The following CACNA2D3 variants were observed in gnomAD, a reference collection of about 807,000 sequenced individuals.
CACNA2D3 encodes the protein voltage-dependent calcium channel subunit alpha-2/delta-3.
In CACNA2D3, 60 loss-of-function variants were observed where a neutral mutation model predicts 160.6. The observed-to-expected ratio is 0.37, with a 90% CI of 0.30 to 0.46. CACNA2D3 has a LOEUF of 0.46. Ranked by LOEUF, CACNA2D3 falls within the 20% of genes least tolerant of loss-of-function variation. The probability of loss-of-function intolerance (pLI) is 1.00; values close to 1 mark genes in which losing one functional copy is unlikely to be tolerated. For synonymous variants in CACNA2D3, 558 were observed against 492.9 expected (o/e 1.13, Z -1.75); for missense variants, 1,205 against 1,365.0 (o/e 0.88, Z 1.85).
At chr3:54,449,726 T>A (rs535369006) in intron 4 of CACNA2D3, among the ~76,000 whole-genome samples, 1 of 152,306 alleles carries the variant, frequency 6.6e-6, no homozygotes, top group African/African-American at 2.4e-5. Flanking sequence ...CCATGTAAGA[T>A]GCCTCACTCC....
intron 13 of CACNA2D3, among the ~76,000 whole-genome samples, chr3:54,801,224 G>C (rs1487930659): frequency 1.3e-5 from 2 of 152,098 alleles, no homozygotes; most frequent in Non-Finnish European, 1.5e-5. Flanking sequence ...CTGACCTCAA[G>C]TGATCTGCCC....
rs552299968 is a variant in CACNA2D3 at position 54,342,650 on chromosome 3, C to T, written c.321+22092C>T. On this transcript the variant is annotated intron_variant, in intron 3 of 37. Coordinates refer to ENST00000474759, the MANE Select transcript of CACNA2D3 (RefSeq NM_018398.3). ...TTAGGTGACAAATCATTGATAAGAA[C>T]GGCACTGTACAAATTACCAACTGGT... Among the ~76,000 whole-genome samples the T allele has an allele frequency of 4.6e-5, 7 of 152,252 alleles. No individual in the cohort carries two copies. In the South Asian group the frequency reaches 8.3e-4, roughly 18 times the overall value.
intron 3 of CACNA2D3, among the ~76,000 whole-genome samples, chr3:54,352,275 G>A (rs1193978869): frequency 6.6e-6 from 1 of 152,188 alleles, no homozygotes; most frequent in African/African-American, 2.4e-5. Context: ...AAAGGTGGTA[G>A]TAGCACCTAC....
At chr3:54,764,170 A>C in intron 12 of CACNA2D3, 48 bp from the exon 13 acceptor site, 1 of 1,607,714 alleles carries the variant, frequency 6.2e-7, no homozygotes, top group East Asian at 2.2e-5. Flanking sequence ...CCCAGTTGCA[A>C]GTCTTTCTGT....
At chr3:54,206,677 C>G (rs375983994) in intron 2 of CACNA2D3, among the ~76,000 whole-genome samples, 6 of 152,232 alleles carry the variant, frequency 3.9e-5, no homozygotes, top group African/African-American at 1.2e-4. Flanking sequence ...AGTAGGCTTA[C>G]TTTTATGCCA....
chr3:54,427,007 CTTCT>C (rs1421589240), intron 4 of CACNA2D3, among the ~76,000 whole-genome samples: 1 of 151,974 alleles, frequency 6.6e-6, no homozygotes, highest in Non-Finnish European at 1.5e-5. Context: ...TCTTCCTTCC[CTTCT>C]TTCTCCCTCC....
At chr3:54,125,594 TACTC>T in intron 2 of CACNA2D3, among the ~76,000 whole-genome samples, 1 of 152,264 alleles carries the variant, frequency 6.6e-6, no homozygotes, top group Admixed American at 6.5e-5. Context: ...GGTCCTGAAA[TACTC>T]ACGGCTTTGG....
chr3:54,140,586 C>T (rs1202379805), intron 2 of CACNA2D3, among the ~76,000 whole-genome samples: 5 of 152,224 alleles, frequency 3.3e-5, no homozygotes, highest in African/African-American at 1.2e-4. Context: ...GAGGCAAATG[C>T]AAATGCAGTT....
intron 32 of CACNA2D3, among the ~76,000 whole-genome samples, chr3:55,005,241 A>C (rs1482982566): frequency 1.3e-5 from 2 of 152,008 alleles, no homozygotes; most frequent in African/African-American, 4.8e-5. Flanking sequence ...ATGCCACTGC[A>C]CTCCAGCCTG....
At chr3:54,563,921 C>T (rs1456893782) in intron 6 of CACNA2D3, among the ~76,000 whole-genome samples, 2 of 152,154 alleles carry the variant, frequency 1.3e-5, no homozygotes, top group Non-Finnish European at 2.9e-5. Flanking sequence ...AGAACATTTC[C>T]CAAGAGTCAT....
rs536390436 is a variant in CACNA2D3, at chr3:54,679,066, T to C, written c.1167+36825T>C. ...GAAGATGGGAAACATGGTTCAAGAC[T>C]TACCTGTCAGCCAGGCAGCCCCTCT... On this transcript the variant is annotated intron_variant, in intron 11 of 37. Coordinates refer to ENST00000474759, the MANE Select transcript of CACNA2D3 (RefSeq NM_018398.3). Among the ~76,000 whole-genome samples the C allele has an allele frequency of 2.5e-4, 38 of 152,304 alleles. No individual in the cohort carries two copies. The South Asian group carries it at 7.5e-3, about 30-fold the overall frequency.
intron 11 of CACNA2D3, among the ~76,000 whole-genome samples, chr3:54,711,349 A>G (rs1002666574): frequency 1.3e-5 from 2 of 152,228 alleles, no homozygotes; most frequent in African/African-American, 4.8e-5. Context: ...ACCCGGAGAC[A>G]GAGCAGTTCT....
chr3:54,850,176 G>A (rs1021518933), intron 17 of CACNA2D3, among the ~76,000 whole-genome samples: 2 of 152,138 alleles, frequency 1.3e-5, no homozygotes, highest in Non-Finnish European at 2.9e-5. Flanking sequence ...TAGATTAACT[G>A]ATGTTGGTTC....
chr3:55,068,083 C>T (rs555818034), intron 35 of CACNA2D3, among the ~76,000 whole-genome samples: 5 of 152,254 alleles, frequency 3.3e-5, no homozygotes, highest in South Asian at 2.1e-4. Context: ...GATGGTGTAG[C>T]GAGGAGGACC....
At chr3:54,464,778 G>A (rs926612229) in intron 4 of CACNA2D3, among the ~76,000 whole-genome samples, 5 of 152,188 alleles carry the variant, frequency 3.3e-5, no homozygotes, top group African/African-American at 4.8e-5. Flanking sequence ...TGCGCTGCAC[G>A]CACTGTCCTG....
chr3:54,988,792 T>C (rs1301647881), intron 31 of CACNA2D3, among the ~76,000 whole-genome samples: 1 of 152,218 alleles, frequency 6.6e-6, no homozygotes, highest in African/African-American at 2.4e-5. Flanking sequence ...ATTCCATAGC[T>C]TGTTTGTGCC....
At chr3:54,217,036 G>A (rs1238335348) in intron 2 of CACNA2D3, among the ~76,000 whole-genome samples, 1 of 152,176 alleles carries the variant, frequency 6.6e-6, no homozygotes, top group East Asian at 1.9e-4. Flanking sequence ...GGGGCGGTGA[G>A]AGGCAGCCTC....
intron 4 of CACNA2D3, among the ~76,000 whole-genome samples, chr3:54,399,986 G>C (rs1699419420): frequency 8.4e-6 from 1 of 119,412 alleles, no homozygotes; most frequent in Admixed American, 9.0e-5. Flanking sequence ...AGCCAGGTGT[G>C]GGATATAGTC....
At chr3:54,869,674 C>T (rs2703028) in intron 17 of CACNA2D3, among the ~76,000 whole-genome samples, 31,958 of 152,028 alleles carry the variant, frequency 0.21, 6,570 homozygotes, top group African/African-American at 0.54. Flanking sequence ...AGGTCCAGAA[C>T]GACTGTCTGA....
Sources: gnomAD v4.1 joint callset for allele counts (sites outside exome capture counted in the v4.1 genomes callset) on GRCh38, gnomAD v4.1.1 for gene constraint, MANE v1.5 for transcripts, NCBI Gene and HGNC (gene_info 2026-07-23, HGNC 2026-07-21) for gene names.